Variants in EFNA5 observed in about 807,000 individuals in gnomAD.
The protein encoded by EFNA5 is ephrin-A5.
EFNA5 carries 5 observed loss-of-function variants against 22.9 expected under a neutral mutation model. That is an observed-to-expected ratio of 0.22 (90% CI 0.11 to 0.46). The LOEUF (loss-of-function observed/expected upper bound fraction) is 0.46, where lower values mean the gene tolerates loss of function less well. Among genes scored for constraint, EFNA5 ranks in the 20% least tolerant of loss-of-function variants. The pLI is 0.99. For missense variants in EFNA5, 237 were observed against 293.3 expected (o/e 0.81, Z 1.40); for synonymous variants, 113 against 112.2 (o/e 1.01, Z -0.04).
intron 2 of EFNA5, among the ~76,000 whole-genome samples, chr5:107,394,886 A>G (rs1209794464): frequency 1.3e-5 from 2 of 152,204 alleles, no homozygotes; most frequent in Admixed American, 6.5e-5. Context: ...TTAAAAGCTC[A>G]GTGACAACAA....
chr5:107,589,742 C>T (rs530730808), intron 1 of EFNA5, among the ~76,000 whole-genome samples: 6 of 152,284 alleles, frequency 3.9e-5, no homozygotes, highest in African/African-American at 1.4e-4. Context: ...TTTGTTTACT[C>T]TCTACCTTGA....
intron 1 of EFNA5, among the ~76,000 whole-genome samples, chr5:107,620,837 A>G (rs572994306): frequency 3.9e-5 from 6 of 152,248 alleles, no homozygotes; most frequent in Non-Finnish European, 8.8e-5. Flanking sequence ...TTTTATGTGC[A>G]AAACTTTAGG....
intron 1 of EFNA5, among the ~76,000 whole-genome samples, chr5:107,567,066 T>C (rs1462313935): frequency 6.6e-6 from 1 of 152,172 alleles, no homozygotes; most frequent in Non-Finnish European, 1.5e-5. Flanking sequence ...TTTTAAAAAA[T>C]GTTTCAAAGA....
intron 1 of EFNA5, among the ~76,000 whole-genome samples, chr5:107,525,226 C>A (rs1004229406): frequency 1.3e-5 from 2 of 152,164 alleles, no homozygotes; most frequent in East Asian, 3.9e-4. Flanking sequence ...GGGTTAATGA[C>A]TGAAGAAATT....
At chr5:107,571,710 C>G (rs1323080086) in intron 1 of EFNA5, among the ~76,000 whole-genome samples, 1 of 152,116 alleles carries the variant, frequency 6.6e-6, no homozygotes. Flanking sequence ...ACCTTCCTGT[C>G]GCATACCCAC....
At chr5:107,441,728 G>T (rs945582344) in intron 1 of EFNA5, among the ~76,000 whole-genome samples, 1 of 152,008 alleles carries the variant, frequency 6.6e-6, no homozygotes, top group African/African-American at 2.4e-5. Flanking sequence ...AAATAAGGGT[G>T]GTGCCTTCTG....
intron 1 of EFNA5, among the ~76,000 whole-genome samples, chr5:107,562,851 A>C (rs1184247625): frequency 6.6e-6 from 1 of 152,252 alleles, no homozygotes. Flanking sequence ...AATTATTCTT[A>C]GCATCCAGAT....
At chr5:107,520,802 A>G (rs541745326) in intron 1 of EFNA5, among the ~76,000 whole-genome samples, 2 of 152,322 alleles carry the variant, frequency 1.3e-5, no homozygotes, top group Admixed American at 1.3e-4. Flanking sequence ...ATCACTGTGG[A>G]TCAAGATGTA....
At chr5:107,612,506 C>G (rs1192970812) in intron 1 of EFNA5, among the ~76,000 whole-genome samples, 2 of 150,668 alleles carry the variant, frequency 1.3e-5, no homozygotes, top group South Asian at 4.2e-4. Context: ...ATTTGAAATG[C>G]AATTTAAAAA....
intron 1 of EFNA5, among the ~76,000 whole-genome samples, chr5:107,633,887 C>T (rs1750314782): frequency 6.6e-6 from 1 of 151,944 alleles, no homozygotes; most frequent in Admixed American, 6.6e-5. Context: ...TATTTTTGGC[C>T]CTAGATCTAG....
chr5:107,569,455 GTA>G (rs1209525818), intron 1 of EFNA5, among the ~76,000 whole-genome samples: 2 of 124,790 alleles, frequency 1.6e-5, no homozygotes, highest in Non-Finnish European at 3.1e-5. Context: ...ATATGTGTGT[GTA>G]TATATATTTA....
At chr5:107,482,506 A>G (rs1024785376) in intron 1 of EFNA5, among the ~76,000 whole-genome samples, 8 of 152,118 alleles carry the variant, frequency 5.3e-5, no homozygotes, top group South Asian at 2.1e-4. Flanking sequence ...CTTCTCACCT[A>G]TTCTCAGATA....
Position 107,387,788 on chromosome 5 carries a change from G to T in EFNA5, c.419-17C>A, listed in dbSNP as rs1747670683. On this transcript the variant is annotated splice_polypyrimidine_tract_variant and intron_variant, in intron 2 of 4. Transcript: ENST00000333274. Reference sequence around the variant, plus strand: ...TTGCAGAGGCTGTGGGTAACACAGAGAGAGAGCAGGAAAGAAAGAAGAGAA... The same window carrying T: ...TTGCAGAGGCTGTGGGTAACACAGATAGAGAGCAGGAAAGAAAGAAGAGAA... 3 of 1,567,072 alleles carry T rather than the reference G, an allele frequency of 1.9e-6. No individual in the cohort carries two copies. The highest frequency in any genetic ancestry group is 3.5e-5 in the Admixed American group (2 of 57,310).
rs765848016 is a variant in EFNA5 at position 107,427,457 on chromosome 5, C to T, written c.178G>A (p.Val60Ile). 13 of 1,613,818 alleles carry T rather than the reference C, an allele frequency of 8.1e-6. No individual in the cohort carries two copies. The East Asian group carries it at 1.8e-4, about 22-fold the overall frequency. Residue 60 changes from valine (V) to isoleucine (I), a missense_variant, in exon 2 of 5, where the codon GTT becomes ATT. Transcript: ENST00000333274. ...IDVCINDYLD[V>I]FCPHYEDSVP... ...GAGTCCTCATAGTGAGGGCAGAAAA[C>T]ATCCAGGTAGTCATTGATACAGACA...
intron 1 of EFNA5, among the ~76,000 whole-genome samples, chr5:107,661,270 T>C (rs1372938995): frequency 3.9e-5 from 6 of 152,208 alleles, no homozygotes; most frequent in Non-Finnish European, 7.3e-5. Flanking sequence ...CAAAGATTTA[T>C]AGCGACTATA....
intron 2 of EFNA5, among the ~76,000 whole-genome samples, chr5:107,411,500 T>A (rs1748365410): frequency 6.6e-6 from 1 of 152,234 alleles, no homozygotes; most frequent in Non-Finnish European, 1.5e-5. Flanking sequence ...TTGAAAAATG[T>A]TAGAGCTAAG....
chr5:107,564,428 T>C (rs984457340), intron 1 of EFNA5, among the ~76,000 whole-genome samples: 7 of 152,144 alleles, frequency 4.6e-5, no homozygotes, highest in African/African-American at 1.7e-4. Flanking sequence ...TTGATGGTAT[T>C]AGTTGTATTT....
intron 1 of EFNA5, among the ~76,000 whole-genome samples, chr5:107,647,877 T>C (rs1296024248): frequency 6.6e-6 from 1 of 152,110 alleles, no homozygotes; most frequent in African/African-American, 2.4e-5. Context: ...GACTAGAAAC[T>C]GCAGAGAAAA....
At chr5:107,600,332 G>A (rs757696163) in intron 1 of EFNA5, among the ~76,000 whole-genome samples, 26 of 152,186 alleles carry the variant, frequency 1.7e-4, no homozygotes, top group Non-Finnish European at 1.2e-4. Flanking sequence ...ACTCTTGGAC[G>A]ATGATCAGTT....
Sources: allele counts gnomAD v4.1 joint callset (sites outside exome capture counted in the v4.1 genomes callset), GRCh38; gene constraint gnomAD v4.1.1; transcripts MANE v1.5; gene names NCBI Gene and HGNC (gene_info 2026-07-23, HGNC 2026-07-21).